CFDP1: variants seen among roughly 807,000 people sequenced by gnomAD.
CFDP1 encodes heterochromatin-stabilizing protein CFDP1.
Under a neutral mutation model 40.1 loss-of-function variants are expected in CFDP1, and 31 were observed. That is an observed-to-expected ratio of 0.77 (90% CI 0.58 to 1.04). The LOEUF (loss-of-function observed/expected upper bound fraction) is 1.04, where lower values mean the gene tolerates loss of function less well. CFDP1 is among the 50% of genes least tolerant of loss of function. The probability of loss-of-function intolerance (pLI) is 0.00; values close to 1 mark genes in which losing one functional copy is unlikely to be tolerated. For synonymous variants in CFDP1, 167 were observed against 120.0 expected (o/e 1.39, Z -2.56); for missense variants, 423 against 343.4 (o/e 1.23, Z -1.83).
intron 5 of CFDP1, among the ~76,000 whole-genome samples, chr16:75,367,164 CAAAAA>C (rs35018865): frequency 2.3e-5 from 2 of 87,010 alleles, no homozygotes; most frequent in Admixed American, 1.3e-4. Context: ...GACTCCATCT[CAAAAA>C]AAAAAAAAAA....
intron 5 of CFDP1, among the ~76,000 whole-genome samples, chr16:75,334,187 T>G (rs932797168): frequency 6.6e-6 from 1 of 150,858 alleles, no homozygotes; most frequent in Non-Finnish European, 1.5e-5. Flanking sequence ...TTGACTTGCC[T>G]CCTCCTCGCA....
chr16:75,420,819 G>C (rs1169882574), intron 1 of CFDP1, among the ~76,000 whole-genome samples: 3 of 152,178 alleles, frequency 2.0e-5, no homozygotes, highest in Non-Finnish European at 2.9e-5. Context: ...GGATTGACAT[G>C]ATAGTCTCTA....
intron 5 of CFDP1, among the ~76,000 whole-genome samples, chr16:75,369,439 ACT>A (rs1736798626): frequency 1.3e-5 from 2 of 152,094 alleles, no homozygotes; most frequent in South Asian, 4.1e-4. Flanking sequence ...AAACCCGCAC[ACT>A]GCTATACAGA....
intron 5 of CFDP1, among the ~76,000 whole-genome samples, chr16:75,342,542 C>G (rs1318423105): frequency 6.6e-6 from 1 of 152,180 alleles, no homozygotes; most frequent in East Asian, 1.9e-4. Context: ...TCATCACTTC[C>G]CACCCCTAAT....
intron 5 of CFDP1, among the ~76,000 whole-genome samples, chr16:75,325,305 T>C (rs1422977154): frequency 1.3e-5 from 2 of 152,236 alleles, no homozygotes; most frequent in African/African-American, 4.8e-5. Flanking sequence ...CCTTCAGGCA[T>C]GCATCTACCT....
At chr16:75,431,638 C>G (rs992072741) in intron 1 of CFDP1, among the ~76,000 whole-genome samples, 2 of 151,530 alleles carry the variant, frequency 1.3e-5, no homozygotes, top group Non-Finnish European at 1.5e-5. Flanking sequence ...GACACTGTCT[C>G]GAAAGAAAAA....
intron 5 of CFDP1, among the ~76,000 whole-genome samples, chr16:75,311,119 T>A (rs1253337585): frequency 6.6e-6 from 1 of 152,110 alleles, no homozygotes; most frequent in Non-Finnish European, 1.5e-5. Flanking sequence ...TAGTCCAACC[T>A]CCTTATTTTA....
At chr16:75,387,776 C>T (rs1033346604) in intron 5 of CFDP1, among the ~76,000 whole-genome samples, 7 of 152,246 alleles carry the variant, frequency 4.6e-5, no homozygotes, top group Non-Finnish European at 8.8e-5. Context: ...CACAGCTTCA[C>T]TGTTGCTGCT....
At chr16:75,393,726 A>G (rs2078971562) in intron 5 of CFDP1, among the ~76,000 whole-genome samples, 1 of 105,918 alleles carries the variant, frequency 9.4e-6, no homozygotes, top group Admixed American at 1.3e-4. Context: ...CGACAGAGCG[A>G]GACTCCGTCG....
chr16:75,427,238 G>C (rs2079352160), intron 1 of CFDP1, among the ~76,000 whole-genome samples: 1 of 151,908 alleles, frequency 6.6e-6, no homozygotes, highest in Admixed American at 6.6e-5. Flanking sequence ...AACTAAAGGA[G>C]AAATTAGCTA....
rs887298757 is a variant in CFDP1 at position 75,368,544 on chromosome 16, T to C, written c.650+26546A>G. Among the ~76,000 whole-genome samples, 10 of 152,228 alleles carry C rather than the reference T, an allele frequency of 6.6e-5. No homozygotes were observed. In the East Asian group the frequency reaches 1.2e-3, roughly 18 times the overall value. The stretch of plus-strand genomic sequence containing the variant: ...TATAGTAATGTCTACCCGCAAAGAT[T>C]TGAGTATTCAACTTGATAACACATA... On this transcript the variant is annotated intron_variant, in intron 5 of 6. Transcript: ENST00000283882.
chr16:75,313,750 C>T (rs1201338398), intron 5 of CFDP1, among the ~76,000 whole-genome samples: 2 of 151,536 alleles, frequency 1.3e-5, no homozygotes, highest in African/African-American at 4.8e-5. Context: ...GCTGTCTTCT[C>T]TCTTTGCATG....
chr16:75,432,370 TAAAAAAAAAAAAA>T (rs55961935), intron 1 of CFDP1, among the ~76,000 whole-genome samples: 2 of 105,582 alleles, frequency 1.9e-5, no homozygotes, highest in African/African-American at 7.2e-5. Context: ...ATGCCATTTC[TAAAAAAAAAAAAA>T]AAAAAAAAAA....
chr16:75,304,060 TTC>T (rs3043650), intron 6 of CFDP1, among the ~76,000 whole-genome samples: 107,276 of 151,098 alleles, frequency 0.71, 38,760 homozygotes, highest in Admixed American at 0.79. Context: ...TTCTTTTCCT[TTC>T]TCTCTCTCTC....
chr16:75,418,419 G>C (rs1347399766), intron 1 of CFDP1, among the ~76,000 whole-genome samples: 2 of 148,046 alleles, frequency 1.4e-5, no homozygotes, highest in Non-Finnish European at 3.0e-5. Flanking sequence ...CCATTCTCCT[G>C]CCTCAGCCTC....
At chr16:75,316,370 C>T (rs556596948) in intron 5 of CFDP1, among the ~76,000 whole-genome samples, 60 of 152,240 alleles carry the variant, frequency 3.9e-4, no homozygotes, top group African/African-American at 1.1e-3. Context: ...TCTTCGGCTA[C>T]GTCTACAGAC....
rs370639128 is a variant in CFDP1 at position 75,336,695 on chromosome 16, G to A, written c.651-31513C>T. On this transcript the variant is annotated intron_variant, in intron 5 of 6. Coordinates refer to ENST00000283882, the MANE Select transcript of CFDP1 (RefSeq NM_006324.3). ...CTGTATGTTATTCCATTGTAGGGAA[G>A]AACCATAATTTATTCAACAGTGGTT... 1.2e-4 allele frequency among the ~76,000 whole-genome samples: 19 copies of A among 152,328 alleles called. 3 individuals carry two copies. The highest frequency in any genetic ancestry group is 5.9e-4 in the Admixed American group (9 of 15,302).
rs368347422 is a variant in CFDP1 at position 75,413,451 on chromosome 16, C to T, written c.183-697G>A. On this transcript the variant is annotated intron_variant, in intron 2 of 6. Coordinates refer to ENST00000283882, the MANE Select transcript of CFDP1 (RefSeq NM_006324.3). ...GGTGGGTGCCTATAATCCAGCCACT[C>T]GGAGGCTGAGGCAGGGAACTGAACC... Among the ~76,000 whole-genome samples, 8 of 150,920 alleles carry T rather than the reference C, an allele frequency of 5.3e-5. No homozygotes were observed. The East Asian group carries it at 5.9e-4, about 11-fold the overall frequency.
intron 5 of CFDP1, 39 bp downstream of exon 5, chr16:75,395,051 C>T (rs769286890): frequency 5.6e-6 from 9 of 1,610,494 alleles, no homozygotes; most frequent in Middle Eastern, 3.3e-4. Flanking sequence ...GCTTCTCCAA[C>T]GTGCCAAGTA....
Sources: gnomAD v4.1 joint callset for allele counts (sites outside exome capture counted in the v4.1 genomes callset) on GRCh38, gnomAD v4.1.1 for gene constraint, MANE v1.5 for transcripts, NCBI Gene and HGNC (gene_info 2026-07-23, HGNC 2026-07-21) for gene names.